Variants in STK32B observed in about 807,000 individuals in gnomAD.
STK32B encodes the protein serine/threonine kinase 32B.
A neutral mutation model predicts 52.6 loss-of-function variants in STK32B; 43 were observed. The ratio of observed to expected loss-of-function variants is 0.82; its 90% CI spans 0.64 to 1.05. The LOEUF is 1.05. Ranked by LOEUF, STK32B falls within the 50% of genes least tolerant of loss-of-function variation. STK32B has a pLI of 0.00. For synonymous variants in STK32B, 238 were observed against 204.3 expected (o/e 1.17, Z -1.41); for missense variants, 621 against 534.6 (o/e 1.16, Z -1.59).
At chr4:5,282,614 C>T (rs78847203) in intron 3 of STK32B, among the ~76,000 whole-genome samples, 17 of 152,220 alleles carry the variant, frequency 1.1e-4, no homozygotes, top group African/African-American at 4.1e-4. Flanking sequence ...AGTGAGGGGA[C>T]TGACACAGGC....
Position 5,182,690 on chromosome 4 carries a change from C to T in STK32B, c.260+14240C>T, listed in dbSNP as rs1720453651. 2.0e-5 allele frequency among the ~76,000 whole-genome samples: 3 copies of T among 152,112 alleles called. No homozygotes were observed. In the South Asian group the frequency reaches 6.2e-4, roughly 32 times the overall value. On this transcript the variant is annotated intron_variant, in intron 3 of 11. Transcript: ENST00000282908. ...GCCAGGCTGGTCTCGAACTCCTGAC[C>T]TCAGGTAATCTGCCTGCCTCGGCCT... is the stretch of plus-strand genomic sequence containing the variant.
rs550281879 is a variant in STK32B, at chr4:5,365,249, T to C, written c.435-32958T>C. ...TGTAATTACTTCCCCTTCTATGTTTTCACGGAACTTTGGCATACTTCTGTA... is the reference window on the plus strand; with the variant it reads ...TGTAATTACTTCCCCTTCTATGTTTCCACGGAACTTTGGCATACTTCTGTA... On this transcript the variant is annotated intron_variant, in intron 4 of 11. Coordinates refer to ENST00000282908, the MANE Select transcript of STK32B (RefSeq NM_018401.3). Among the ~76,000 whole-genome samples, 45 of 152,336 alleles carry C rather than the reference T, an allele frequency of 3.0e-4. 1 individual carries two copies. In the South Asian group the frequency reaches 9.3e-3, roughly 32 times the overall value.
intron 3 of STK32B, among the ~76,000 whole-genome samples, chr4:5,268,564 T>C (rs1438179730): frequency 6.6e-6 from 1 of 151,506 alleles, no homozygotes; most frequent in African/African-American, 2.4e-5. Context: ...TGTGTGTGTG[T>C]GTGTGTGTGT....
At chr4:5,037,734 A>T in the STK32B span, among the ~76,000 whole-genome samples, 5 of 152,326 alleles carry the variant, frequency 3.3e-5, no homozygotes, top group East Asian at 7.7e-4. Context: ...GACACACTGA[A>T]GACTCAAAGA....
intron 6 of STK32B, among the ~76,000 whole-genome samples, chr4:5,433,315 G>A (rs1379488101): frequency 6.6e-6 from 1 of 152,128 alleles, no homozygotes; most frequent in Non-Finnish European, 1.5e-5. Flanking sequence ...AGACCCTTGC[G>A]GCTGAGACTG....
intron 3 of STK32B, among the ~76,000 whole-genome samples, chr4:5,178,079 A>C (rs1289495472): frequency 1.3e-5 from 2 of 152,144 alleles, no homozygotes; most frequent in Non-Finnish European, 2.9e-5. Flanking sequence ...CTGCTCCCAC[A>C]TTTCCCTTCT....
rs1720755584 is a variant in STK32B, at chr4:5,186,568, G to A, written c.260+18118G>A. ...TGGTTATCGTGCTTTGGTGTCCTGGGTTAACTTAAAAACTATAGAGATTTC... is the reference window on the plus strand; with the variant it reads ...TGGTTATCGTGCTTTGGTGTCCTGGATTAACTTAAAAACTATAGAGATTTC... On this transcript the variant is annotated intron_variant, in intron 3 of 11. Coordinates refer to ENST00000282908, the MANE Select transcript of STK32B (RefSeq NM_018401.3). 3.3e-5 allele frequency among the ~76,000 whole-genome samples: 5 copies of A among 152,172 alleles called. No homozygotes were observed. In the Middle Eastern group the frequency reaches 0.014, roughly 414 times the overall value.
intron 4 of STK32B, among the ~76,000 whole-genome samples, chr4:5,343,384 T>A (rs1250244640): frequency 1.3e-5 from 2 of 152,202 alleles, no homozygotes; most frequent in East Asian, 3.9e-4. Context: ...AAGTCTTTGC[T>A]ATTGTGAATA....
intron 3 of STK32B, among the ~76,000 whole-genome samples, chr4:5,283,725 A>G (rs548346291): frequency 6.6e-5 from 10 of 152,322 alleles, no homozygotes; most frequent in African/African-American, 2.2e-4. Flanking sequence ...GTAAATCAGG[A>G]GTATTTTACC....
chr4:5,310,286 A>G (rs1730208398), intron 3 of STK32B, among the ~76,000 whole-genome samples: 1 of 152,220 alleles, frequency 6.6e-6, no homozygotes, highest in South Asian at 2.1e-4. Context: ...CAAATTATTC[A>G]ACTGACAAGG....
intron 3 of STK32B, among the ~76,000 whole-genome samples, chr4:5,256,400 G>C (rs1302994960): frequency 1.3e-5 from 2 of 152,208 alleles, no homozygotes; most frequent in Non-Finnish European, 2.9e-5. Context: ...TTTGGTTGTG[G>C]GGTATGGATC....
chr4:5,381,292 G>C (rs994507184), intron 4 of STK32B, among the ~76,000 whole-genome samples: 1 of 152,190 alleles, frequency 6.6e-6, no homozygotes, highest in African/African-American at 2.4e-5. Flanking sequence ...TGATGGATGA[G>C]GAAGCTAGAC....
chr4:5,313,723 C>T (rs1226376339), intron 3 of STK32B, among the ~76,000 whole-genome samples: 1 of 152,098 alleles, frequency 6.6e-6, no homozygotes, highest in Non-Finnish European at 1.5e-5. Flanking sequence ...AAAGATCAAC[C>T]TAGAACTGTG....
chr4:5,478,189 G>A (rs527242115), intron 11 of STK32B, among the ~76,000 whole-genome samples: 2 of 152,252 alleles, frequency 1.3e-5, no homozygotes, highest in East Asian at 3.9e-4. Flanking sequence ...CCCAAAGGAT[G>A]GGATGTAGGT....
intron 3 of STK32B, among the ~76,000 whole-genome samples, chr4:5,247,816 GT>G (rs1725572599): frequency 6.6e-6 from 1 of 151,716 alleles, no homozygotes; most frequent in Non-Finnish European, 1.5e-5. Context: ...TGCTTTTTTT[GT>G]TTCTTTTTCC....
intron 11 of STK32B, among the ~76,000 whole-genome samples, chr4:5,486,383 A>C (rs572024659): frequency 3.3e-4 from 51 of 152,308 alleles, no homozygotes; most frequent in African/African-American, 1.1e-3. Flanking sequence ...GGATCCTCCC[A>C]GCCAGGCGCG....
chr4:5,112,679 C>T (rs951632246), intron 1 of STK32B, among the ~76,000 whole-genome samples: 8 of 152,120 alleles, frequency 5.3e-5, no homozygotes, highest in Non-Finnish European at 1.0e-4. Context: ...CACCCCATGT[C>T]GCAGTCAAAT....
intron 1 of STK32B, among the ~76,000 whole-genome samples, chr4:5,096,709 C>T (rs1256245312): frequency 1.3e-5 from 2 of 152,194 alleles, no homozygotes; most frequent in Non-Finnish European, 2.9e-5. Flanking sequence ...CTTACCTGAG[C>T]TTGTAGGAAG....
intron 11 of STK32B, among the ~76,000 whole-genome samples, chr4:5,482,741 ATTATT>A (rs1718824222): frequency 6.6e-6 from 1 of 152,126 alleles, no homozygotes; most frequent in Admixed American, 6.5e-5. Context: ...GATAGCTCTT[ATTATT>A]TTGAGATATG....
Sources: gnomAD v4.1 joint callset for allele counts (sites outside exome capture counted in the v4.1 genomes callset) on GRCh38, gnomAD v4.1.1 for gene constraint, MANE v1.5 for transcripts, NCBI Gene and HGNC (gene_info 2026-07-23, HGNC 2026-07-21) for gene names.